The following POU2AF3 variants were observed in gnomAD, a reference collection of about 807,000 sequenced individuals.
POU2AF3 encodes the protein POU class 2 homeobox associating factor 3.
At chr11:111,299,245 C>A in the POU2AF3 span, 1 of 986,186 alleles carries the variant, frequency 1.0e-6, no homozygotes, top group Non-Finnish European at 1.2e-6. Flanking sequence ...GCGCTGGCAT[C>A]CTGGCACTAT....
chr11:111,299,628 C>G, the POU2AF3 span: 1 of 1,227,546 alleles, frequency 8.1e-7, no homozygotes, highest in Non-Finnish European at 1.0e-6. Flanking sequence ...GCAGGGTCAT[C>G]GGGAGCCCCG....
At chr11:111,308,650 TG>T in the POU2AF3 span, 2 of 399,318 alleles carry the variant, frequency 5.0e-6, no homozygotes, top group Non-Finnish European at 8.7e-6. Context: ...TTTAAATTTT[TG>T]TAGGAAACTT....
chr11:111,304,387 C>T, the POU2AF3 span, among the ~76,000 whole-genome samples: 2 of 152,100 alleles, frequency 1.3e-5, no homozygotes, highest in African/African-American at 4.8e-5. Context: ...TTTTCTCAAA[C>T]TGTTACATTT....
the POU2AF3 span, chr11:111,298,774 G>A: frequency 2.6e-6 from 3 of 1,154,930 alleles, no homozygotes; most frequent in East Asian, 6.4e-5. Context: ...CTGTCCCGGA[G>A]GGCAGAGGCC....
chr11:111,299,643 G>A, the POU2AF3 span: 1 of 1,229,134 alleles, frequency 8.1e-7, no homozygotes, highest in South Asian at 4.2e-5. Flanking sequence ...GCCCCGGACG[G>A]CTTTCCCCAG....
the POU2AF3 span, chr11:111,298,897 A>T: frequency 9.0e-7 from 1 of 1,111,982 alleles, no homozygotes; most frequent in Non-Finnish European, 1.1e-6. Context: ...CGCGCCCAGA[A>T]GCTGCTACGG....
At chr11:111,308,413 A>G in the POU2AF3 span, 1 of 1,550,858 alleles carries the variant, frequency 6.4e-7, no homozygotes, top group African/African-American at 1.4e-5. Context: ...AGAGGGAAAC[A>G]AACTGTGACA....
chr11:111,304,426 T>G, the POU2AF3 span, among the ~76,000 whole-genome samples: 1 of 152,168 alleles, frequency 6.6e-6, no homozygotes, highest in East Asian at 1.9e-4. Flanking sequence ...TACATTAATT[T>G]TTTACTAAAA....
chr11:111,308,375 T>TCA, the POU2AF3 span: 11 of 1,551,528 alleles, frequency 7.1e-6, no homozygotes, highest in African/African-American at 1.5e-4. Flanking sequence ...CTTTGCCCCC[T>TCA]CAGCAGCCGC....
At chr11:111,307,203 C>G in the POU2AF3 span, among the ~76,000 whole-genome samples, 1 of 151,806 alleles carries the variant, frequency 6.6e-6, no homozygotes, top group East Asian at 1.9e-4. Context: ...ATTGGTTGTT[C>G]TCGGTGGATC....
At chr11:111,307,940 G>A in the POU2AF3 span, 8 of 783,066 alleles carry the variant, frequency 1.0e-5, no homozygotes, top group Non-Finnish European at 1.5e-5. Context: ...CTTGGGTTGG[G>A]TGTTGTTTCG....
chr11:111,300,186 C>T, the POU2AF3 span: 5 of 335,164 alleles, frequency 1.5e-5, no homozygotes, highest in Non-Finnish European at 2.1e-5. Flanking sequence ...AAGGTTCCCC[C>T]GACCTAATCA....
the POU2AF3 span, chr11:111,299,905 T>TA: frequency 2.2e-6 from 1 of 446,092 alleles, no homozygotes; most frequent in African/African-American, 2.0e-5. Context: ...GTCTGGCAGG[T>TA]ACCTCGCCGG....
At chr11:111,299,029 C>A in the POU2AF3 span, 1 of 992,400 alleles carries the variant, frequency 1.0e-6, no homozygotes, top group South Asian at 4.7e-5. Context: ...GAGTCCGGAG[C>A]CGATCGGGGA....
chr11:111,308,735 A>G, the POU2AF3 span: 1 of 221,894 alleles, frequency 4.5e-6, no homozygotes. Flanking sequence ...TGTATTACTA[A>G]CTGTTGGATT....
the POU2AF3 span, chr11:111,299,586 G>T: frequency 1.6e-6 from 2 of 1,218,618 alleles, no homozygotes; most frequent in Non-Finnish European, 2.0e-6. Flanking sequence ...CCCCGGGGCG[G>T]CCCCTACCGA....
the POU2AF3 span, chr11:111,298,826 G>GCCGCCC: frequency 5.1e-6 from 4 of 790,960 alleles, no homozygotes; most frequent in Non-Finnish European, 6.8e-6. Flanking sequence ...CGTACCCCAG[G>GCCGCCC]CCCCCGCCCG....
At chr11:111,299,951 CCCGGGCTGGCTT>C in the POU2AF3 span, 1 of 403,574 alleles carries the variant, frequency 2.5e-6, no homozygotes, top group East Asian at 3.6e-5. Context: ...ACCGCTTGCT[CCCGGGCTGGCTT>C]CCAGACCAAG....
the POU2AF3 span, chr11:111,299,356 G>A: frequency 2.0e-6 from 2 of 990,594 alleles, no homozygotes; most frequent in Admixed American, 6.1e-5. Flanking sequence ...AGTGGTCAGG[G>A]CCGGAGCCGC....
Sources: allele counts gnomAD v4.1 joint callset (sites outside exome capture counted in the v4.1 genomes callset), GRCh38; gene constraint gnomAD v4.1.1; transcripts MANE v1.5; gene names NCBI Gene and HGNC (gene_info 2026-07-23, HGNC 2026-07-21).